LRP2: variants seen among roughly 807,000 people sequenced by gnomAD.
The protein encoded by LRP2 is low-density lipoprotein receptor-related protein 2.
Under a neutral mutation model 531.0 loss-of-function variants are expected in LRP2, and 172 were observed. The observed-to-expected ratio is 0.32, with a 90% CI of 0.29 to 0.37. LRP2 has a LOEUF of 0.37. Ranked by LOEUF, LRP2 falls within the 10% of genes least tolerant of loss-of-function variation. The pLI is 1.00. For synonymous variants in LRP2, 1,992 were observed against 2,027.6 expected (o/e 0.98, Z 0.47); for missense variants, 5,167 against 5,868.3 (o/e 0.88, Z 3.90).
At chr2:169,178,479 C>T (rs530689007) in intron 52 of LRP2, among the ~76,000 whole-genome samples, 2 of 152,150 alleles carry the variant, frequency 1.3e-5, no homozygotes, top group Non-Finnish European at 2.9e-5. Flanking sequence ...CATTAACATT[C>T]CGGAGGGGAC....
At chr2:169,203,949 T>C in intron 42 of LRP2, 33 bp downstream of exon 42, 1 of 1,610,308 alleles carries the variant, frequency 6.2e-7, no homozygotes, top group Non-Finnish European at 8.5e-7. Context: ...ATCATTATTC[T>C]CCATGTTCTA....
intron 19 of LRP2, among the ~76,000 whole-genome samples, chr2:169,248,590 T>G (rs2105397135): frequency 6.6e-6 from 1 of 152,338 alleles, no homozygotes; most frequent in South Asian, 2.1e-4. Flanking sequence ...AAAAGAACTT[T>G]CCAAAAGAAA....
chr2:169,244,721 A>G lies in LRP2; in HGVS notation c.3402T>C (p.Cys1134=). ...AGTTCTTTTCATCAGATCCATCCCC[A>G]CAATCATTGTCTGTGTCACAGACCC... is the stretch of plus-strand genomic sequence containing the variant. The part of the protein sequence containing the change: ...KNWVCDTDND[C]GDGSDEKNCN... Residue 1134 remains cysteine, a synonymous_variant, in exon 22 of 79, where the codon TGT becomes TGC. Coordinates refer to ENST00000649046, the MANE Select transcript of LRP2 (RefSeq NM_004525.3). 1 of 1,614,242 alleles carries G rather than the reference A, an allele frequency of 6.2e-7. No homozygotes were observed. Among genetic ancestry groups the G allele is most frequent in the Non-Finnish European group, 8.5e-7 (1 of 1,180,040 alleles).
At chr2:169,355,464 C>T (rs1685964223) in intron 1 of LRP2, among the ~76,000 whole-genome samples, 3 of 152,178 alleles carry the variant, frequency 2.0e-5, no homozygotes, top group Admixed American at 2.0e-4. Flanking sequence ...GGACTCCACC[C>T]CTTCATACAT....
chr2:169,196,018 A>G (rs563500209), intron 46 of LRP2, among the ~76,000 whole-genome samples: 2 of 152,364 alleles, frequency 1.3e-5, no homozygotes, highest in East Asian at 3.9e-4. Context: ...TTAATAATAG[A>G]GGCAGTTAAT....
At chr2:169,231,219 G>A (rs774658342) in intron 31 of LRP2, among the ~76,000 whole-genome samples, 9 of 151,562 alleles carry the variant, frequency 5.9e-5, no homozygotes, top group East Asian at 5.8e-4. Flanking sequence ...ACAGGGGCCC[G>A]GAAAGTGGAG....
At chr2:169,160,366 T>C (rs1686529855) in intron 63 of LRP2, among the ~76,000 whole-genome samples, 1 of 152,100 alleles carries the variant, frequency 6.6e-6, no homozygotes, top group Middle Eastern at 3.4e-3. Context: ...TATAAGTACA[T>C]CAAAATGTCA....
chr2:169,225,390 C>T lies in LRP2; in HGVS notation c.5458G>A (p.Val1820Met), dbSNP rs753390400. Residue 1820 changes from valine (V) to methionine (M), a missense_variant, in exon 33 of 79, where the codon GTG becomes ATG. Coordinates refer to ENST00000649046, the MANE Select transcript of LRP2 (RefSeq NM_004525.3). The part of the protein sequence containing the change: ...NRTVFASISM[V>M]GPSMNLALDW... The stretch of plus-strand genomic sequence containing the variant: ...AAGGCCAGGTTCATAGAAGGCCCCA[C>T]CATAGATATAGAAGCAAATACTGTC... 91 of 1,613,846 alleles carry T rather than the reference C, an allele frequency of 5.6e-5. No homozygotes were observed. Among genetic ancestry groups the T allele is most frequent in the Non-Finnish European group, 7.4e-5 (87 of 1,179,928 alleles).
chr2:169,291,854 T>G (rs953135805), intron 7 of LRP2, among the ~76,000 whole-genome samples: 1 of 152,176 alleles, frequency 6.6e-6, no homozygotes, highest in African/African-American at 2.4e-5. Flanking sequence ...TTTTAAAGAT[T>G]GTAAGGTCTA....
chr2:169,321,478 G>A (rs1306951971), intron 1 of LRP2, among the ~76,000 whole-genome samples: 2 of 148,650 alleles, frequency 1.3e-5, no homozygotes, highest in Non-Finnish European at 3.0e-5. Context: ...AAAAAAAAGC[G>A]TAAAAAAGAC....
chr2:169,170,414 T>C, intron 59 of LRP2, 137 bp downstream of exon 59: 1 of 764,750 alleles, frequency 1.3e-6, no homozygotes, highest in South Asian at 1.4e-5. Flanking sequence ...GAGCAGAAGA[T>C]ACTGTGTTAT....
At chr2:169,150,872 T>G (rs1574074300) in intron 68 of LRP2, 26 bp downstream of exon 68, 3 of 1,613,446 alleles carry the variant, frequency 1.9e-6, no homozygotes, top group African/African-American at 2.7e-5. Flanking sequence ...AATATCTAGA[T>G]GTTGAAGACT....
intron 9 of LRP2, among the ~76,000 whole-genome samples, chr2:169,286,722 A>G (rs1683868549): frequency 6.6e-6 from 1 of 152,210 alleles, no homozygotes; most frequent in Admixed American, 6.5e-5. Context: ...GGGCATCACA[A>G]GACTGAATTA....
rs1689883869 is a variant in LRP2 at position 169,243,382 on chromosome 2, A to C, written c.3550+21T>G. On this transcript the variant is annotated intron_variant, in intron 23 of 78. Transcript: ENST00000649046. Reference sequence around the variant, plus strand: ...TTTTCTAAATAAACATTGTGAATAAAAAAGAAGGCAATGCACTTACCACAA... The same window carrying C: ...TTTTCTAAATAAACATTGTGAATAACAAAGAAGGCAATGCACTTACCACAA... 3 of 1,613,678 alleles carry C rather than the reference A, an allele frequency of 1.9e-6. No individual in the cohort carries two copies. The Admixed American group carries it at 5.0e-5, about 27-fold the overall frequency.
chr2:169,300,513 C>A, intron 4 of LRP2, among the ~76,000 whole-genome samples: 1 of 151,876 alleles, frequency 6.6e-6, no homozygotes, highest in African/African-American at 2.4e-5. Context: ...CGAGGGTAAA[C>A]GGAAACAGCC....
At chr2:169,159,519 TAGG>T (rs1340840755) in intron 63 of LRP2, among the ~76,000 whole-genome samples, 13 of 152,218 alleles carry the variant, frequency 8.5e-5, no homozygotes, top group African/African-American at 3.1e-4. Context: ...GCCTTTATTA[TAGG>T]AGCTCTTAAC....
chr2:169,278,440 T>C (rs1461654263), intron 12 of LRP2, among the ~76,000 whole-genome samples: 2 of 151,910 alleles, frequency 1.3e-5, no homozygotes, highest in African/African-American at 4.8e-5. Flanking sequence ...GCTGTGATTG[T>C]GCTGCTGCAC....
At chr2:169,308,702 T>C (rs1453002593) in intron 3 of LRP2, among the ~76,000 whole-genome samples, 7 of 152,226 alleles carry the variant, frequency 4.6e-5, no homozygotes, top group African/African-American at 9.7e-5. Context: ...TGTGTCTTTA[T>C]AGCAGCATGA....
chr2:169,268,216 CA>C (rs1683286504), intron 16 of LRP2, among the ~76,000 whole-genome samples: 1 of 152,046 alleles, frequency 6.6e-6, no homozygotes, highest in Admixed American at 6.6e-5. Flanking sequence ...GAAACTATTC[CA>C]ATCAAAGCAA....
Sources: gnomAD v4.1 joint callset for allele counts (sites outside exome capture counted in the v4.1 genomes callset) on GRCh38, gnomAD v4.1.1 for gene constraint, MANE v1.5 for transcripts, NCBI Gene and HGNC (gene_info 2026-07-23, HGNC 2026-07-21) for gene names.